CRACD: variants seen among roughly 807,000 people sequenced by gnomAD.
The protein encoded by CRACD is capping protein inhibiting regulator of actin dynamics.
A neutral mutation model predicts 106.8 loss-of-function variants in CRACD; 56 were observed. That is an observed-to-expected ratio of 0.52 (90% CI 0.42 to 0.66). The LOEUF (loss-of-function observed/expected upper bound fraction) is 0.66. CRACD is among the 30% of genes least tolerant of loss of function. The pLI is 0.00. For missense variants in CRACD, 1,730 were observed against 1,623.2 expected, an observed-to-expected ratio of 1.07 and a Z score of -1.13; for synonymous variants, 754 against 670.8, an observed-to-expected ratio of 1.12 and a Z score of -1.92.
rs552657943 is a variant in CRACD at position 56,285,436 on chromosome 4, G to T, written c.-16-12778G>T. On this transcript the variant is annotated intron_variant, in intron 3 of 10. Transcript: ENST00000682029. ...GGGTGCTTGAAGTAGGGTGACATTA[G>T]ATAATAACTTTTTTTTTTTAAGAGA... Among the ~76,000 whole-genome samples, 6 of 76,164 alleles carry T rather than the reference G, an allele frequency of 7.9e-5. No individual in the cohort carries two copies. The East Asian group carries it at 2.0e-3, about 26-fold the overall frequency. 50.0% of individuals were successfully genotyped at this position (76,164 alleles called of 152,430 possible).
chr4:56,163,035 T>C (rs769938314), intron 1 of CRACD, among the ~76,000 whole-genome samples: 13 of 152,192 alleles, frequency 8.5e-5, no homozygotes, highest in Non-Finnish European at 1.8e-4. Flanking sequence ...GACTGTGGGC[T>C]ACATGTGACC....
At chr4:56,182,196 C>T (rs148736530) in intron 2 of CRACD, among the ~76,000 whole-genome samples, 30 of 151,990 alleles carry the variant, frequency 2.0e-4, no homozygotes, top group African/African-American at 6.5e-4. Flanking sequence ...GCCTGGGCAA[C>T]GTGGCAAAAT....
intron 2 of CRACD, among the ~76,000 whole-genome samples, chr4:56,205,566 G>T (rs1231264628): frequency 4.6e-5 from 7 of 152,070 alleles, no homozygotes; most frequent in African/African-American, 1.7e-4. Flanking sequence ...ATATATGTGT[G>T]TGTGTGTTGG....
chr4:56,329,664 A>G lies in CRACD; in HGVS notation c.*1860A>G, dbSNP rs781524480. 1.6e-4 allele frequency among the ~76,000 whole-genome samples: 24 copies of G among 152,298 alleles called. No individual in the cohort carries two copies. The highest frequency in any genetic ancestry group is 3.4e-3 in the Middle Eastern group (1 of 294). On this transcript the variant is annotated 3_prime_UTR_variant, in exon 11 of 11. Transcript: ENST00000682029. ...ATACTAATGTTCATTTCTAAATCTT[A>G]TATGTAGGCATTTGTTAGTTCCAAT...
At chr4:56,105,498 T>TAG (rs545367441) in intron 1 of CRACD, among the ~76,000 whole-genome samples, 11 of 152,278 alleles carry the variant, frequency 7.2e-5, no homozygotes, top group Non-Finnish European at 1.5e-4. Context: ...GACATATATA[T>TAG]AGATATACTA....
rs751693468 is a variant in CRACD at position 56,315,963 on chromosome 4, G to C, written c.2461G>C (p.Asp821His). The C allele has an allele frequency of 2.2e-5, 36 of 1,614,112 alleles. No individual in the cohort carries two copies. Among genetic ancestry groups the C allele is most frequent in the Non-Finnish European group, 2.7e-5 (32 of 1,180,052 alleles). ...CCACACAGAGTTCACGACCTCGTCG[G>C]ACAGCGAGACTGCAAACGGGATAGC... ...VAHTEFTTSSDSETANGIAKP... is the reference protein window; with the variant it reads ...VAHTEFTTSSHSETANGIAKP... Residue 821 changes from aspartate (D) to histidine (H), a missense_variant, in exon 8 of 11, where the codon GAC becomes CAC. By Grantham distance (81) the Asp-to-His change is moderately conservative. Around this residue, in one of 5 missense-constraint regions of CRACD, gnomAD observed 1,620 missense variants for 1,481.6 expected, o/e 1.09. Coordinates refer to ENST00000682029, the MANE Select transcript of CRACD (RefSeq NM_001393381.1). This position sits in a 1 kb window ranked among gnomAD's most constrained non-coding sequence, Gnocchi z 4.1.
chr4:56,088,074 A>G (rs1045576405), intron 1 of CRACD, among the ~76,000 whole-genome samples: 1 of 151,634 alleles, frequency 6.6e-6, no homozygotes, highest in Admixed American at 6.6e-5. Context: ...TAAAGCCCCA[A>G]ATCTCCAGTG....
intron 2 of CRACD, among the ~76,000 whole-genome samples, chr4:56,255,952 G>A (rs560677406): frequency 6.6e-6 from 1 of 152,162 alleles, no homozygotes; most frequent in Admixed American, 6.5e-5. Context: ...CTGCCATTTG[G>A]GCCATATGAC....
At chr4:56,120,676 C>T (rs769004420) in intron 1 of CRACD, among the ~76,000 whole-genome samples, 4 of 152,064 alleles carry the variant, frequency 2.6e-5, no homozygotes, top group Non-Finnish European at 4.4e-5. Flanking sequence ...TGATTTCTTA[C>T]CTGAAAAAAT....
chr4:56,071,978 A>C (rs913361960), intron 1 of CRACD, among the ~76,000 whole-genome samples: 1 of 151,698 alleles, frequency 6.6e-6, no homozygotes, highest in African/African-American at 2.4e-5. Flanking sequence ...AATACAAAAA[A>C]TTAGCCGGGC....
chr4:56,298,191 G>C, intron 3 of CRACD, 23 bp from the exon 4 acceptor site: 1 of 1,600,824 alleles, frequency 6.2e-7, no homozygotes, highest in Non-Finnish European at 8.5e-7. Flanking sequence ...CTAATAAAAT[G>C]AAGCACATGA....
chr4:56,201,313 G>A (rs147741563), intron 2 of CRACD, among the ~76,000 whole-genome samples: 324 of 152,314 alleles, frequency 2.1e-3, no homozygotes, highest in Non-Finnish European at 3.8e-3. Context: ...GAACTTTCCA[G>A]AGCACTGTTA....
intron 1 of CRACD, among the ~76,000 whole-genome samples, chr4:56,113,276 T>C (rs1734179872): frequency 6.6e-6 from 1 of 152,214 alleles, no homozygotes; most frequent in Non-Finnish European, 1.5e-5. Flanking sequence ...AAATATCAGT[T>C]ATATTTGTTT....
At chr4:56,194,871 C>CGAG (rs1291266015) in intron 2 of CRACD, among the ~76,000 whole-genome samples, 1 of 152,120 alleles carries the variant, frequency 6.6e-6, no homozygotes, top group Non-Finnish European at 1.5e-5. Context: ...GTGGCTTGAC[C>CGAG]CTCTCCAGTA....
intron 1 of CRACD, among the ~76,000 whole-genome samples, chr4:56,057,143 T>C (rs1732102330): frequency 1.3e-5 from 2 of 152,210 alleles, no homozygotes; most frequent in Non-Finnish European, 2.9e-5. Flanking sequence ...TGGCTTGCAT[T>C]ATGTTTCTGT....
chr4:56,137,284 A>AG (rs1735035717), intron 1 of CRACD, among the ~76,000 whole-genome samples: 1 of 152,142 alleles, frequency 6.6e-6, no homozygotes, highest in Non-Finnish European at 1.5e-5. Context: ...AGAAAAAAAA[A>AG]AAGAAAAGAA....
At chr4:56,078,554 G>A (rs1732917843) in intron 1 of CRACD, among the ~76,000 whole-genome samples, 1 of 152,080 alleles carries the variant, frequency 6.6e-6, no homozygotes, top group Non-Finnish European at 1.5e-5. Flanking sequence ...CTACAGGCAT[G>A]CGCCACCATG....
intron 1 of CRACD, among the ~76,000 whole-genome samples, chr4:56,143,214 T>A (rs1346713793): frequency 6.6e-6 from 1 of 152,070 alleles, no homozygotes; most frequent in African/African-American, 2.4e-5. Flanking sequence ...TGAATAGTCT[T>A]CCCCTGCCCT....
intron 1 of CRACD, among the ~76,000 whole-genome samples, chr4:56,156,142 G>A (rs1735755810): frequency 6.6e-6 from 1 of 152,158 alleles, no homozygotes; most frequent in Non-Finnish European, 1.5e-5. Flanking sequence ...TGTGTTTTTA[G>A]TAGAGATGGG....
Sources: allele counts gnomAD v4.1 joint callset (sites outside exome capture counted in the v4.1 genomes callset), GRCh38; gene constraint gnomAD v4.1.1; regional missense constraint gnomAD v4.1.1; non-coding constraint Gnocchi (gnomAD v3.1); transcripts MANE v1.5; gene names NCBI Gene and HGNC (gene_info 2026-07-23, HGNC 2026-07-21).